SLC22A23: variants seen among roughly 807,000 people sequenced by gnomAD.
The protein encoded by SLC22A23 is ion transporter protein.
In SLC22A23, 26 loss-of-function variants were observed where a neutral mutation model predicts 61.0. That is an observed-to-expected ratio of 0.43 (90% CI 0.31 to 0.59). The LOEUF (loss-of-function observed/expected upper bound fraction) is 0.59, where lower values mean the gene tolerates loss of function less well. SLC22A23 is among the 20% of genes least tolerant of loss of function. The pLI is 0.11. For missense variants in SLC22A23, 796 were observed against 934.7 expected, an observed-to-expected ratio of 0.85 and a Z score of 1.94; for synonymous variants, 430 against 413.9, an observed-to-expected ratio of 1.04 and a Z score of -0.47.
At chr6:3,432,475 T>C in intron 1 of SLC22A23, 1 of 823,390 alleles carries the variant, frequency 1.2e-6, no homozygotes, top group Non-Finnish European at 1.5e-6. Context: ...GAGGGAGGAC[T>C]TCCAGGAACG....
chr6:3,400,022 G>A (rs1200237534), intron 3 of SLC22A23, among the ~76,000 whole-genome samples: 1 of 152,146 alleles, frequency 6.6e-6, no homozygotes, highest in Admixed American at 6.5e-5. Flanking sequence ...GGGATTACAG[G>A]CATGCACCAC....
intron 1 of SLC22A23, among the ~76,000 whole-genome samples, chr6:3,455,353 GGGA>G (rs2127561932): frequency 6.6e-6 from 1 of 152,328 alleles, no homozygotes; most frequent in African/African-American, 2.4e-5. Context: ...GAGAAAACAT[GGGA>G]GGAGACACTG....
rs965158899 is a variant in SLC22A23 at position 3,330,833 on chromosome 6, A to G, written c.914-6831T>C. On this transcript the variant is annotated intron_variant, in intron 3 of 9. Coordinates refer to ENST00000406686, the MANE Select transcript of SLC22A23 (RefSeq NM_015482.2). The surrounding 1 kb of genome is among the most constrained non-coding windows in gnomAD (Gnocchi z 4.7). ...TAGTTTTCTCCATTTAGAGAAAGGG[A>G]AAATTTTAAAAAACAGAGAAATTTT... Among the ~76,000 whole-genome samples, 2 of 152,226 alleles carry G rather than the reference A, an allele frequency of 1.3e-5. No homozygotes were observed. The highest frequency in any genetic ancestry group is 2.9e-5 in the Non-Finnish European group (2 of 68,044).
At chr6:3,401,816 C>T (rs1267601721) in intron 3 of SLC22A23, among the ~76,000 whole-genome samples, 1 of 152,182 alleles carries the variant, frequency 6.6e-6, no homozygotes, top group Non-Finnish European at 1.5e-5. Context: ...CTACCTTCAT[C>T]CTGAGGACAC....
intron 4 of SLC22A23, among the ~76,000 whole-genome samples, chr6:3,316,931 A>C (rs113197522): frequency 2.6e-5 from 4 of 152,180 alleles, no homozygotes; most frequent in African/African-American, 9.6e-5. Context: ...TTGTGTTATC[A>C]ATGATCATGT....
rs778598260 is a variant in SLC22A23, at chr6:3,309,819, G to A, written c.1083-11601C>T. On this transcript the variant is annotated intron_variant, in intron 4 of 9. Transcript: ENST00000406686. The surrounding 1 kb of genome is among the most constrained non-coding windows in gnomAD (Gnocchi z 4.7). The stretch of plus-strand genomic sequence containing the variant: ...GAACTACAGTCAGAAGGGCATCTCC[G>A]GATTGCACTTAACCCAGCCCCTCAC... 1.3e-5 allele frequency among the ~76,000 whole-genome samples: 2 copies of A among 152,298 alleles called. No homozygotes were observed. Among genetic ancestry groups the A allele is most frequent in the Non-Finnish European group, 2.9e-5 (2 of 68,038 alleles).
At position 3,360,155 on chromosome 6, in the gene SLC22A23, T is replaced by C. The variant is rs940128261; in HGVS notation, c.914-36153A>G. Reference sequence around the variant, plus strand: ...TGGGGACAGAGTTTGTTTGGGAAGATGAAAAGACCTCTAGAGATGAAGGGT... The same window carrying C: ...TGGGGACAGAGTTTGTTTGGGAAGACGAAAAGACCTCTAGAGATGAAGGGT... On this transcript the variant is annotated intron_variant, in intron 3 of 9. Transcript: ENST00000406686. This position sits in a 1 kb window ranked among gnomAD's most constrained non-coding sequence, Gnocchi z 4.6. 3.3e-5 allele frequency among the ~76,000 whole-genome samples: 5 copies of C among 152,108 alleles called. No individual in the cohort carries two copies. The highest frequency in any genetic ancestry group is 1.9e-4 in the East Asian group (1 of 5,190).
In SLC22A23 at chr6:3,453,948, C is replaced by A. The variant is rs28678729; in HGVS notation, c.654+1958G>T. 8.6e-3 allele frequency among the ~76,000 whole-genome samples: 1,308 copies of A among 152,332 alleles called. 11 individuals carry two copies. Among genetic ancestry groups the A allele is most frequent in the Non-Finnish European group, 0.014 (933 of 68,020 alleles). On this transcript the variant is annotated intron_variant, in intron 1 of 9. Coordinates refer to ENST00000406686, the MANE Select transcript of SLC22A23 (RefSeq NM_015482.2). ...ACATACACAGCAGCACAGGAAAAGT[C>A]TGCCTTCCAACATGCCAAAATGTGC...
chr6:3,388,029 C>T (rs776834647), intron 3 of SLC22A23, among the ~76,000 whole-genome samples: 13 of 152,260 alleles, frequency 8.5e-5, no homozygotes, highest in African/African-American at 2.9e-4. Context: ...AAATTAAAAC[C>T]GGATGCAGGC....
chr6:3,323,503 C>T, intron 4 of SLC22A23: 1 of 425,710 alleles, frequency 2.3e-6, no homozygotes, highest in Non-Finnish European at 4.4e-6. Context: ...CCTCCACCTC[C>T]CTGCAATCCA....
chr6:3,424,521 T>G (rs1171288656), intron 1 of SLC22A23, among the ~76,000 whole-genome samples: 2 of 152,238 alleles, frequency 1.3e-5, no homozygotes, highest in African/African-American at 2.4e-5. Context: ...CTATAAAGTT[T>G]AATAAACTCC....
intron 3 of SLC22A23, among the ~76,000 whole-genome samples, chr6:3,349,677 C>G (rs535037475): frequency 6.6e-6 from 1 of 152,214 alleles, no homozygotes; most frequent in Non-Finnish European, 1.5e-5. Context: ...ATTGAATACT[C>G]AACCACCCAA....
Position 3,330,376 on chromosome 6 carries a change from C to T in SLC22A23, c.914-6374G>A, listed in dbSNP as rs1172791078. ...CCACCACAGTCCTCTGAAGACAGCC[C>T]CATCATCCTGGACTGCGCCCCTCCC... On this transcript the variant is annotated intron_variant, in intron 3 of 9. Transcript: ENST00000406686. The surrounding 1 kb of genome is among the most constrained non-coding windows in gnomAD (Gnocchi z 4.7). 6.6e-6 allele frequency among the ~76,000 whole-genome samples: 1 copy of T among 152,206 alleles called. No individual in the cohort carries two copies.
At chr6:3,292,535 A>G (rs1442536190) in intron 5 of SLC22A23, among the ~76,000 whole-genome samples, 1 of 152,146 alleles carries the variant, frequency 6.6e-6, no homozygotes, top group African/African-American at 2.4e-5. Context: ...CTTGACTTAG[A>G]GCCATCAGAA....
At position 3,418,944 on chromosome 6, in the gene SLC22A23, A is replaced by G. The variant is rs572449427; in HGVS notation, c.655-3089T>C. On this transcript the variant is annotated intron_variant, in intron 1 of 9. Coordinates refer to ENST00000406686, the MANE Select transcript of SLC22A23 (RefSeq NM_015482.2). ...CAAAAATGTGTCGGGAAAAGAAAAT[A>G]TGTTCAGACACAGTATAATCTCCTA... 2.0e-5 allele frequency among the ~76,000 whole-genome samples: 3 copies of G among 152,286 alleles called. 1 individual carries two copies. The East Asian group carries it at 5.8e-4, about 29-fold the overall frequency.
At chr6:3,280,060 C>A (rs940565388) in intron 9 of SLC22A23, among the ~76,000 whole-genome samples, 1 of 152,142 alleles carries the variant, frequency 6.6e-6, no homozygotes, top group South Asian at 2.1e-4. Flanking sequence ...TGTGACTTGA[C>A]TAAATTTCTG....
intron 8 of SLC22A23, 89 bp from the exon 9 acceptor site, chr6:3,284,064 T>G: frequency 7.4e-7 from 1 of 1,356,122 alleles, no homozygotes. Context: ...GCACAGCTCC[T>G]TCCCAGTGTC....
chr6:3,316,296 G>A (rs554428335), intron 4 of SLC22A23, among the ~76,000 whole-genome samples: 3 of 152,310 alleles, frequency 2.0e-5, no homozygotes, highest in African/African-American at 4.8e-5. Context: ...CTGGTTCCTT[G>A]GATCCAGGAA....
chr6:3,277,844 C>T (rs938760206), intron 9 of SLC22A23, among the ~76,000 whole-genome samples: 1 of 152,224 alleles, frequency 6.6e-6, no homozygotes, highest in Non-Finnish European at 1.5e-5. Context: ...ATCAAATTTA[C>T]GGCCAGGATA....
Sources: allele counts gnomAD v4.1 joint callset (sites outside exome capture counted in the v4.1 genomes callset), GRCh38; gene constraint gnomAD v4.1.1; non-coding constraint Gnocchi (gnomAD v3.1); transcripts MANE v1.5; gene names NCBI Gene and HGNC (gene_info 2026-07-23, HGNC 2026-07-21).